EXOC4: variants seen among roughly 807,000 people sequenced by gnomAD.
The protein encoded by EXOC4 is SEC8-like 1.
In EXOC4, 71 loss-of-function variants were observed where a neutral mutation model predicts 107.2. The observed-to-expected ratio is 0.66, with a 90% confidence interval of 0.55 to 0.81. The LOEUF is 0.81. Among genes scored for constraint, EXOC4 ranks in the 30% least tolerant of loss-of-function variants. The pLI, the probability that EXOC4 is intolerant of heterozygous loss-of-function variation, is 0.00. For missense variants in EXOC4, 1,108 were observed against 1,189.6 expected, an observed-to-expected ratio of 0.93 and a Z score of 1.01; for synonymous variants, 456 against 441.2, an observed-to-expected ratio of 1.03 and a Z score of -0.42.
intron 11 of EXOC4, among the ~76,000 whole-genome samples, chr7:133,850,733 T>G (rs779835417): frequency 6.6e-6 from 1 of 151,846 alleles, no homozygotes; most frequent in Non-Finnish European, 1.5e-5. Flanking sequence ...AGCAGGAAAC[T>G]TCCCATTCCA....
intron 5 of EXOC4, among the ~76,000 whole-genome samples, chr7:133,326,395 G>A (rs1795241675): frequency 6.6e-6 from 1 of 152,152 alleles, no homozygotes; most frequent in Non-Finnish European, 1.5e-5. Flanking sequence ...TGGTGTGGAT[G>A]TCCTTTCTGT....
At chr7:133,520,997 T>G (rs2150910111) in intron 9 of EXOC4, among the ~76,000 whole-genome samples, 2 of 152,308 alleles carry the variant, frequency 1.3e-5, no homozygotes, top group Middle Eastern at 3.4e-3. Flanking sequence ...GGAGGGATGT[T>G]ATGTGGAATG....
intron 14 of EXOC4, among the ~76,000 whole-genome samples, chr7:133,940,906 C>A (rs1158912222): frequency 6.6e-6 from 1 of 151,816 alleles, no homozygotes; most frequent in Non-Finnish European, 1.5e-5. Context: ...CAGTTTATTT[C>A]TTGTTCCACA....
chr7:134,063,153 A>C (rs149354226), intron 17 of EXOC4, among the ~76,000 whole-genome samples: 1,756 of 152,278 alleles, frequency 0.012, 31 homozygotes, highest in African/African-American at 0.04. Flanking sequence ...GCCTCATCCC[A>C]GGACTCTCTG....
At chr7:134,049,923 G>A (rs1795744704) in intron 17 of EXOC4, among the ~76,000 whole-genome samples, 1 of 152,188 alleles carries the variant, frequency 6.6e-6, no homozygotes, top group African/African-American at 2.4e-5. Context: ...TCTAGGTGAG[G>A]TTAATAAATA....
intron 10 of EXOC4, among the ~76,000 whole-genome samples, chr7:133,765,716 T>C (rs1028278436): frequency 6.6e-6 from 1 of 151,984 alleles, no homozygotes; most frequent in Non-Finnish European, 1.5e-5. Context: ...ATCTTTCCTA[T>C]AAGGAAGCTA....
At chr7:134,028,267 A>G (rs1795190762) in intron 17 of EXOC4, among the ~76,000 whole-genome samples, 1 of 152,232 alleles carries the variant, frequency 6.6e-6, no homozygotes, top group Admixed American at 6.5e-5. Context: ...CACATACTCA[A>G]GTCCTTGTTG....
chr7:133,955,558 C>G (rs1221194826), intron 14 of EXOC4, among the ~76,000 whole-genome samples: 2 of 152,210 alleles, frequency 1.3e-5, no homozygotes, highest in Admixed American at 1.3e-4. Context: ...AGTTCCCACT[C>G]TGGTCCATGG....
intron 1 of EXOC4, among the ~76,000 whole-genome samples, chr7:133,257,295 T>TAC (rs1356964718): frequency 2.6e-5 from 4 of 152,024 alleles, no homozygotes; most frequent in Non-Finnish European, 5.9e-5. Context: ...TGGACAGTTT[T>TAC]ACACACACAC....
At chr7:133,626,356 G>A (rs1177137006) in intron 9 of EXOC4, among the ~76,000 whole-genome samples, 1 of 152,136 alleles carries the variant, frequency 6.6e-6, no homozygotes, top group East Asian at 1.9e-4. Context: ...ATTTTTGGCC[G>A]TGACCTTTAC....
intron 4 of EXOC4, chr7:133,314,970 G>A (rs978676659): frequency 2.0e-5 from 3 of 151,926 alleles, no homozygotes; most frequent in Admixed American, 1.3e-4. Flanking sequence ...TTTGTCCATT[G>A]AAGCATTTTA....
At chr7:133,511,553 G>T (rs1273754272) in intron 9 of EXOC4, among the ~76,000 whole-genome samples, 1 of 152,132 alleles carries the variant, frequency 6.6e-6, no homozygotes, top group African/African-American at 2.4e-5. Context: ...GGGGAGGGCA[G>T]AGAGCTATTC....
chr7:133,427,720 A>G (rs531904955), intron 7 of EXOC4, among the ~76,000 whole-genome samples: 15 of 152,198 alleles, frequency 9.9e-5, no homozygotes, highest in Admixed American at 1.3e-4. Context: ...TTCTCCATCA[A>G]TTGCCGTGGT....
intron 9 of EXOC4, among the ~76,000 whole-genome samples, chr7:133,609,284 T>G (rs2150995037): frequency 6.6e-6 from 1 of 152,356 alleles, no homozygotes; most frequent in South Asian, 2.1e-4. Context: ...TTATTTTATG[T>G]GTGGACTGTT....
At chr7:133,758,540 G>A (rs1795965889) in intron 10 of EXOC4, among the ~76,000 whole-genome samples, 4 of 152,234 alleles carry the variant, frequency 2.6e-5, no homozygotes, top group Non-Finnish European at 4.4e-5. Context: ...CAATCCCTGA[G>A]GAGCTCTCTG....
chr7:133,616,308 T>C (rs1454282843), intron 9 of EXOC4, among the ~76,000 whole-genome samples: 1 of 152,158 alleles, frequency 6.6e-6, no homozygotes, highest in African/African-American at 2.4e-5. Context: ...TAATGTGAAC[T>C]TCATGAGGTC....
rs542178454 is a variant in EXOC4 at position 134,042,673 on chromosome 7, T to A, written c.2688-21618T>A. Among the ~76,000 whole-genome samples, 6 of 152,292 alleles carry A rather than the reference T, an allele frequency of 3.9e-5. No homozygotes were observed. In the East Asian group the frequency reaches 9.7e-4, roughly 25 times the overall value. On this transcript the variant is annotated intron_variant, in intron 17 of 17. Transcript: ENST00000253861. ...TTTAAGTCAGAGCCCTGCTGCTGAT[T>A]AGCTGTGTGACCTGGACCTCATCTT... is the stretch of plus-strand genomic sequence containing the variant.
At chr7:133,946,751 T>G (rs1016541896) in intron 14 of EXOC4, among the ~76,000 whole-genome samples, 1 of 152,212 alleles carries the variant, frequency 6.6e-6, no homozygotes, top group Non-Finnish European at 1.5e-5. Context: ...CTCCTTCTGT[T>G]TATCGTGCAA....
chr7:133,581,100 A>G (rs1435684813), intron 9 of EXOC4, among the ~76,000 whole-genome samples: 2 of 152,284 alleles, frequency 1.3e-5, no homozygotes, highest in East Asian at 1.9e-4. Flanking sequence ...GACTGGGCCT[A>G]TGTTTCCTGC....
Sources: allele counts gnomAD v4.1 joint callset (sites outside exome capture counted in the v4.1 genomes callset), GRCh38; gene constraint gnomAD v4.1.1; transcripts MANE v1.5; gene names NCBI Gene and HGNC (gene_info 2026-07-23, HGNC 2026-07-21).